The following STRN4 variants were observed in gnomAD, a reference collection of about 807,000 sequenced individuals.
The protein encoded by STRN4 is striatin 4.
In STRN4, 27 loss-of-function variants were observed where a neutral mutation model predicts 77.9. That is an observed-to-expected ratio of 0.35 (90% CI 0.26 to 0.48). STRN4 has a LOEUF of 0.48. Ranked by LOEUF, STRN4 falls within the 20% of genes least tolerant of loss-of-function variation. The probability of loss-of-function intolerance (pLI) is 0.99; values close to 1 mark genes in which losing one functional copy is unlikely to be tolerated. For missense variants in STRN4, 798 were observed against 1,049.7 expected (o/e 0.76, Z 3.31); for synonymous variants, 466 against 443.1 (o/e 1.05, Z -0.65).
chr19:46,730,264 G>C (rs567477338), intron 6 of STRN4, among the ~76,000 whole-genome samples: 2 of 152,296 alleles, frequency 1.3e-5, no homozygotes, highest in South Asian at 4.1e-4. Flanking sequence ...AGATGCAGTG[G>C]AGGCCCACAC....
In STRN4 at chr19:46,730,809, G is replaced by A. The variant is rs200512362; in HGVS notation, c.802C>T (p.Leu268=). The change falls in exon 6 of 18, where the codon CTG becomes TTG. Residue 268 remains leucine, a synonymous_variant. Transcript: ENST00000263280. Reference sequence around the variant, plus strand: ...CTGTCTTCGTCCTCGCAGTTCTGCAGGAAGGGGATCTGCCCCAGCACTGAG... The same window carrying A: ...CTGTCTTCGTCCTCGCAGTTCTGCAAGAAGGGGATCTGCCCCAGCACTGAG... ...GGSVLGQIPF[L]QNCEDEDSDE... The A allele has an allele frequency of 2.0e-5, 33 of 1,612,844 alleles. No homozygotes were observed. The highest frequency in any genetic ancestry group is 2.7e-5 in the Non-Finnish European group (32 of 1,180,032).
chr19:46,737,716 T>C (rs1033640794), intron 3 of STRN4, among the ~76,000 whole-genome samples: 1 of 152,176 alleles, frequency 6.6e-6, no homozygotes, highest in African/African-American at 2.4e-5. Context: ...GTAGAGACCA[T>C]GTCTCCCGTG....
chr19:46,735,282 G>C (rs1460784048), intron 4 of STRN4, among the ~76,000 whole-genome samples: 1 of 151,942 alleles, frequency 6.6e-6, no homozygotes, highest in Non-Finnish European at 1.5e-5. Context: ...CTCCACTCTG[G>C]GTGAAAGAGC....
At chr19:46,725,299 G>A (rs755282559) in intron 11 of STRN4, 33 bp downstream of exon 11, 38 of 1,613,820 alleles carry the variant, frequency 2.4e-5, no homozygotes, top group Admixed American at 1.7e-4. Flanking sequence ...CATTTAGGAC[G>A]AGTTTCTAGC....
chr19:46,730,800 A>C lies in STRN4; in HGVS notation c.811T>G (p.Cys271Gly), dbSNP rs749380548. Residue 271 changes from cysteine to glycine, a missense_variant, in exon 6 of 18, where the codon TGC becomes GGC. This residue lies in a region of STRN4 where 511 missense variants were observed against 575.9 expected (regional missense o/e 0.89). Transcript: ENST00000263280. Reference protein sequence around the residue: ...VLGQIPFLQNCEDEDSDEDDE... With the variant: ...VLGQIPFLQNGEDEDSDEDDE... ...TCCTCGTCGCTGTCTTCGTCCTCGC[A>C]GTTCTGCAGGAAGGGGATCTGCCCC... is the stretch of plus-strand genomic sequence containing the variant. 2 of 1,613,004 alleles carry C rather than the reference A, an allele frequency of 1.2e-6. No homozygotes were observed. The highest frequency in any genetic ancestry group is 2.2e-5 in the South Asian group (2 of 91,088).
chr19:46,731,104 A>G (rs2054240985), intron 5 of STRN4, among the ~76,000 whole-genome samples: 2 of 152,188 alleles, frequency 1.3e-5, no homozygotes, highest in Admixed American at 1.3e-4. Flanking sequence ...CAGCTCCTCA[A>G]TGACCGCCGA....
At position 46,723,609 on chromosome 19, in the gene STRN4, T is replaced by C. The variant is rs1261308241; in HGVS notation, c.1595-325A>G. ...CTCCATTAAGGAAGAAGGAACAGCA[T>C]GGTTCTGTGGCCCCAGGAGCGGCAC... On this transcript the variant is annotated intron_variant, in intron 12 of 17. Transcript: ENST00000263280. The surrounding 1 kb of genome is among the most constrained non-coding windows in gnomAD (Gnocchi z 5.5). 7.9e-5 allele frequency among the ~76,000 whole-genome samples: 12 copies of C among 152,194 alleles called. No homozygotes were observed. Among genetic ancestry groups the C allele is most frequent in the Admixed American group, 5.9e-4 (9 of 15,280 alleles).
rs1455035967 is a variant in STRN4, at chr19:46,733,428, C to A, written c.540-192G>T. 5.0e-6 allele frequency: 3 copies of A among 605,218 alleles called. No homozygotes were observed. The highest frequency in any genetic ancestry group is 8.8e-6 in the Non-Finnish European group (3 of 340,300). The allele number at this position is 605,218 out of a possible 1,614,324, so 37.5% of individuals were successfully genotyped here. A position where few individuals can be genotyped will look rare whatever the true frequency, so the allele number is the denominator to read the frequency against. ...CAGTGGAAGCCCTTGTACACACACA[C>A]AATGCTATGTGTGAGGGTGCTCCCT... On this transcript the variant is annotated intron_variant, in intron 4 of 17. Transcript: ENST00000263280. The surrounding 1 kb of genome is among the most constrained non-coding windows in gnomAD (Gnocchi z 4.3).
chr19:46,727,524 G>A lies in STRN4; in HGVS notation c.1176C>T (p.Ile392=), dbSNP rs748543065. Residue 392 remains isoleucine (I), a synonymous_variant, in exon 9 of 18, where the codon ATC becomes ATT. Coordinates refer to ENST00000263280, the MANE Select transcript of STRN4 (RefSeq NM_013403.3). Reference sequence around the variant, plus strand: ...CCCCCAGGCTCACCTCCCCGCCCCCGATAGTGTCCATGATGAAGACGTCTG... The same window carrying A: ...CCCCCAGGCTCACCTCCCCGCCCCCAATAGTGTCCATGATGAAGACGTCTG... The part of the protein sequence containing the change: ...PHEDVFIMDT[I]GGGEVSLGDL... The A allele has an allele frequency of 1.1e-5, 17 of 1,613,886 alleles. No individual in the cohort carries two copies. Among genetic ancestry groups the A allele is most frequent in the African/African-American group, 2.7e-5 (2 of 74,902 alleles).
At position 46,730,898 on chromosome 19, in the gene STRN4, A is replaced by C. The variant is rs765917565; in HGVS notation, c.738-25T>G. On this transcript the variant is annotated intron_variant, in intron 5 of 17. Coordinates refer to ENST00000263280, the MANE Select transcript of STRN4 (RefSeq NM_013403.3). The stretch of plus-strand genomic sequence containing the variant: ...CCTGCCAAAGACAGCAGAGCAGAGG[A>C]GGCATGAGTCCTGGCAGGTGTCAAA... 1.2e-5 allele frequency: 20 copies of C among 1,607,428 alleles called. No individual in the cohort carries two copies. The South Asian group carries it at 2.1e-4, about 17-fold the overall frequency.
intron 1 of STRN4, 110 bp downstream of exon 1, chr19:46,746,029 CCGCCCCCCCG>C: frequency 1.6e-6 from 2 of 1,219,676 alleles, no homozygotes; most frequent in Admixed American, 4.4e-5. Context: ...CGGTCCCCTC[CCGCCCCCCCG>C]CCGGCCGTCC....
Position 46,723,418 on chromosome 19 carries a change from C to A in STRN4, c.1595-134G>T. ...CCACGCACCCACTTCACACCTGGTG[C>A]CCCTCGGAACTGTCCACTGCCAGGA... On this transcript the variant is annotated intron_variant, in intron 12 of 17. Transcript: ENST00000263280. This position sits in a 1 kb window ranked among gnomAD's most constrained non-coding sequence, Gnocchi z 5.5. The A allele has an allele frequency of 8.8e-7, 1 of 1,140,934 alleles. No individual in the cohort carries two copies. Among genetic ancestry groups the A allele is most frequent in the Non-Finnish European group, 1.2e-6 (1 of 828,922 alleles). 70.7% of individuals were successfully genotyped at this position (1,140,934 alleles called of 1,614,324 possible).
chr19:46,721,943 C>T lies in STRN4; in HGVS notation c.2092+43G>A, dbSNP rs1388574789. 3.7e-6 allele frequency: 6 copies of T among 1,608,162 alleles called. No homozygotes were observed. The East Asian group carries it at 1.1e-4, about 30-fold the overall frequency. On this transcript the variant is annotated intron_variant, in intron 16 of 17. Coordinates refer to ENST00000263280, the MANE Select transcript of STRN4 (RefSeq NM_013403.3). ...GGAGCCAGTGCCCAGGCCTCTTCCT[C>T]CCCTTCTCCCCAACCCTGGTGGGAC...
At position 46,730,988 on chromosome 19, in the gene STRN4, C is replaced by T. The variant is rs1183196534; in HGVS notation, c.738-115G>A. Reference sequence around the variant, plus strand: ...AGCCCAGACCCAGCTAACCCCCTAACCCCTGAGCAGCCTTGACTCTGGTCA... The same window carrying T: ...AGCCCAGACCCAGCTAACCCCCTAATCCCTGAGCAGCCTTGACTCTGGTCA... On this transcript the variant is annotated intron_variant, in intron 5 of 17. Transcript: ENST00000263280. 14 of 1,447,452 alleles carry T rather than the reference C, an allele frequency of 9.7e-6. No homozygotes were observed. The East Asian group carries it at 2.6e-4, about 26-fold the overall frequency. 89.7% of individuals were successfully genotyped at this position (1,447,452 alleles called of 1,614,324 possible).
Position 46,743,890 on chromosome 19 carries a change from G to A in STRN4, c.282+2259C>T, listed in dbSNP as rs539754060. Among the ~76,000 whole-genome samples the A allele has an allele frequency of 5.7e-4, 87 of 151,794 alleles. 1 individual carries two copies. The highest frequency in any genetic ancestry group is 2.0e-3 in the African/African-American group (84 of 41,398). ...TGCACTCCACCCTGGGTGACAGAGTGAGACTCTGTCTCAAAAAAATAAAAA... is the reference window on the plus strand; with the variant it reads ...TGCACTCCACCCTGGGTGACAGAGTAAGACTCTGTCTCAAAAAAATAAAAA... On this transcript the variant is annotated intron_variant, in intron 1 of 17. Transcript: ENST00000263280.
At position 46,723,199 on chromosome 19, in the gene STRN4, G is replaced by C; in HGVS notation, c.1680C>G (p.Ala560=). 1 of 1,556,810 alleles carries C rather than the reference G, an allele frequency of 6.4e-7. No individual in the cohort carries two copies. Among genetic ancestry groups the C allele is most frequent in the South Asian group, 1.2e-5 (1 of 84,600 alleles). The change falls in exon 13 of 18, where the codon GCC becomes GCG. Residue 560 remains alanine (A), a synonymous_variant. Coordinates refer to ENST00000263280, the MANE Select transcript of STRN4 (RefSeq NM_013403.3). The surrounding 1 kb of genome is among the most constrained non-coding windows in gnomAD (Gnocchi z 5.5). The part of the protein sequence containing the change: ...LAFSPTSQRL[A]SCSADGTVRI... Reference sequence around the variant, plus strand: ...GGACGGTGCCATCAGCAGAACAGGAGGCCAGGCGCTGGGAGGTGGGACTGA... The same window carrying C: ...GGACGGTGCCATCAGCAGAACAGGACGCCAGGCGCTGGGAGGTGGGACTGA...
intron 3 of STRN4, among the ~76,000 whole-genome samples, chr19:46,737,379 G>T (rs1184534816): frequency 6.6e-6 from 1 of 152,246 alleles, no homozygotes; most frequent in Non-Finnish European, 1.5e-5. Flanking sequence ...TCTACGCTGT[G>T]CCTGGCCAGG....
At chr19:46,727,786 T>A in intron 8 of STRN4, 108 bp downstream of exon 8, 1 of 1,053,750 alleles carries the variant, frequency 9.5e-7, no homozygotes, top group Non-Finnish European at 1.3e-6. Context: ...GGCTGCAGAC[T>A]GGAGGCTGGG....
Position 46,738,373 on chromosome 19 carries a change from C to A in STRN4, c.387-136G>T. The A allele has an allele frequency of 1.2e-6, 1 of 849,320 alleles. No individual in the cohort carries two copies. Among genetic ancestry groups the A allele is most frequent in the East Asian group, 2.6e-5 (1 of 38,774 alleles). 52.6% of individuals were successfully genotyped at this position (849,320 alleles called of 1,614,324 possible). ...CGTCTACTACTGAGGCTGAAGCATC[C>A]CCCCACACCCCTGGCCTGGTGGAAG... On this transcript the variant is annotated intron_variant, in intron 2 of 17. Transcript: ENST00000263280. The surrounding 1 kb of genome is among the most constrained non-coding windows in gnomAD (Gnocchi z 4.5).
Sources: allele counts gnomAD v4.1 joint callset (sites outside exome capture counted in the v4.1 genomes callset), GRCh38; gene constraint gnomAD v4.1.1; regional missense constraint gnomAD v4.1.1; non-coding constraint Gnocchi (gnomAD v3.1); transcripts MANE v1.5; gene names NCBI Gene and HGNC (gene_info 2026-07-23, HGNC 2026-07-21).